The following IQCH variants were observed in gnomAD, a reference collection of about 807,000 sequenced individuals.
The protein encoded by IQCH is IQ motif containing H.
IQCH carries 98 observed loss-of-function variants against 117.0 expected under a neutral mutation model. The observed-to-expected ratio is 0.84, with a 90% CI of 0.71 to 0.99. IQCH has a LOEUF of 0.99. Ranked by LOEUF, IQCH falls within the 50% of genes least tolerant of loss-of-function variation. The pLI is 0.00. For synonymous variants in IQCH, 412 were observed against 448.2 expected (o/e 0.92, Z 1.02); for missense variants, 1,102 against 1,243.8 (o/e 0.89, Z 1.72).
chr15:67,329,659 G>A (rs1197483761), intron 4 of IQCH, among the ~76,000 whole-genome samples: 2 of 151,914 alleles, frequency 1.3e-5, no homozygotes, highest in Non-Finnish European at 2.9e-5. Context: ...TGTGGAGCCT[G>A]GATCTCACTA....
At chr15:67,267,129 T>G (rs533554108) in intron 3 of IQCH, among the ~76,000 whole-genome samples, 3 of 152,326 alleles carry the variant, frequency 2.0e-5, no homozygotes, top group African/African-American at 7.2e-5. Context: ...CGTTACCACA[T>G]GAGGGATCGA....
At chr15:67,380,182 A>G (rs1202915973) in intron 10 of IQCH, among the ~76,000 whole-genome samples, 1 of 152,208 alleles carries the variant, frequency 6.6e-6, no homozygotes, top group Non-Finnish European at 1.5e-5. Context: ...GTGAAAATGT[A>G]CTAATACAAC....
chr15:67,324,541 C>T (rs1968311633), intron 4 of IQCH, among the ~76,000 whole-genome samples: 4 of 143,164 alleles, frequency 2.8e-5, no homozygotes, highest in Non-Finnish European at 4.5e-5. Flanking sequence ...ACCCAGGAGG[C>T]GGAGGTTGCA....
chr15:67,377,757 C>T (rs1322310581), intron 10 of IQCH, among the ~76,000 whole-genome samples: 2 of 152,142 alleles, frequency 1.3e-5, no homozygotes, highest in Non-Finnish European at 2.9e-5. Flanking sequence ...TCTCCTCCTC[C>T]TTTAAAGTAA....
At chr15:67,298,054 A>G (rs1388742328) in intron 4 of IQCH, among the ~76,000 whole-genome samples, 2 of 152,182 alleles carry the variant, frequency 1.3e-5, no homozygotes, top group Non-Finnish European at 2.9e-5. Context: ...CACACCTGTT[A>G]TCCCAGCACT....
intron 4 of IQCH, among the ~76,000 whole-genome samples, chr15:67,289,509 C>T (rs1447367536): frequency 6.6e-6 from 1 of 152,038 alleles, no homozygotes; most frequent in African/African-American, 2.4e-5. Context: ...AGACTGGGTG[C>T]TAGTTACACC....
intron 8 of IQCH, among the ~76,000 whole-genome samples, chr15:67,371,053 C>A: frequency 6.6e-6 from 1 of 152,034 alleles, no homozygotes; most frequent in East Asian, 1.9e-4. Flanking sequence ...GCTTATACAT[C>A]TGAGAACGCT....
intron 2 of IQCH, among the ~76,000 whole-genome samples, chr15:67,262,495 T>C (rs896997454): frequency 2.6e-5 from 4 of 152,210 alleles, no homozygotes; most frequent in African/African-American, 7.2e-5. Flanking sequence ...GTGAGAGGGA[T>C]GGACCCAGCT....
chr15:67,351,380 G>A (rs908944406), intron 6 of IQCH, among the ~76,000 whole-genome samples: 1 of 152,116 alleles, frequency 6.6e-6, no homozygotes, highest in Non-Finnish European at 1.5e-5. Flanking sequence ...TGAAGGTGAT[G>A]GTTTGAATAG....
chr15:67,381,388 A>G lies in IQCH; in HGVS notation c.1373-3548A>G. Among the ~76,000 whole-genome samples the G allele has an allele frequency of 6.6e-6, 1 of 152,198 alleles. No homozygotes were observed. Among genetic ancestry groups the G allele is most frequent in the East Asian group, 1.9e-4 (1 of 5,198 alleles). ...AAGCTTCTTTGATGTAGAGACAATAATATTTCACAACTGCTTATTTGAGAA... is the reference window on the plus strand; with the variant it reads ...AAGCTTCTTTGATGTAGAGACAATAGTATTTCACAACTGCTTATTTGAGAA... On this transcript the variant is annotated intron_variant, in intron 10 of 20. Coordinates refer to ENST00000335894, the MANE Select transcript of IQCH (RefSeq NM_001031715.3). The surrounding 1 kb of genome is among the most constrained non-coding windows in gnomAD (Gnocchi z 5.1).
chr15:67,385,725 GCTAAGCAAT>G lies in IQCH; in HGVS notation c.1456+707_1456+715del, dbSNP rs939061283. ...GGCTCTAAGAATATAGGTTGCAAAA[GCTAAGCAAT>G]AACATTGAATCTGTTTGTGAGATAC... On this transcript the variant is annotated intron_variant, in intron 11 of 20. Transcript: ENST00000335894. The surrounding 1 kb of genome is among the most constrained non-coding windows in gnomAD (Gnocchi z 4.6). 5.3e-5 allele frequency among the ~76,000 whole-genome samples: 8 copies of G among 152,106 alleles called. No individual in the cohort carries two copies. The highest frequency in any genetic ancestry group is 1.9e-4 in the African/African-American group (8 of 41,430).
At chr15:67,285,879 A>C (rs888511790) in intron 4 of IQCH, among the ~76,000 whole-genome samples, 2 of 152,094 alleles carry the variant, frequency 1.3e-5, no homozygotes, top group African/African-American at 4.8e-5. Flanking sequence ...TGATTCTTCC[A>C]GTTTTATCCT....
chr15:67,470,865 T>C, intron 17 of IQCH, among the ~76,000 whole-genome samples: 1 of 152,224 alleles, frequency 6.6e-6, no homozygotes, highest in Middle Eastern at 3.2e-3. Context: ...GAGCATCTTT[T>C]TACATATACA....
Position 67,408,812 on chromosome 15 carries a change from C to T in IQCH, c.2098-8119C>T, listed in dbSNP as rs1198277293. On this transcript the variant is annotated intron_variant, in intron 14 of 20. Coordinates refer to ENST00000335894, the MANE Select transcript of IQCH (RefSeq NM_001031715.3). The surrounding 1 kb of genome is among the most constrained non-coding windows in gnomAD (Gnocchi z 4.2). Reference sequence around the variant, plus strand: ...ATTTCTCTAACTGGAAAGAAAGACCCTATTACCAGTAATGATAATTATGGC... The same window carrying T: ...ATTTCTCTAACTGGAAAGAAAGACCTTATTACCAGTAATGATAATTATGGC... 6.6e-6 allele frequency among the ~76,000 whole-genome samples: 1 copy of T among 152,154 alleles called. No homozygotes were observed. Among genetic ancestry groups the T allele is most frequent in the African/African-American group, 2.4e-5 (1 of 41,434 alleles).
intron 14 of IQCH, among the ~76,000 whole-genome samples, chr15:67,409,055 T>C (rs1306519523): frequency 2.0e-5 from 3 of 152,176 alleles, no homozygotes; most frequent in Non-Finnish European, 4.4e-5. Context: ...CATATTCTTC[T>C]TTTTTTAAAC....
At chr15:67,486,038 C>CCTTTT (rs1555513837) in intron 18 of IQCH, among the ~76,000 whole-genome samples, 22 of 106,358 alleles carry the variant, frequency 2.1e-4, no homozygotes, top group African/African-American at 7.8e-4. Flanking sequence ...GCTAAGTTTT[C>CCTTTT]TTTTTTTTTT....
In IQCH at chr15:67,495,469, G is replaced by C. The variant is rs375202696; in HGVS notation, c.2970+1103G>C. On this transcript the variant is annotated intron_variant, in intron 20 of 20. Transcript: ENST00000335894. ...CTTGTCTTGGCCTCTCAAAGTGCTG[G>C]GATTACAGGCATGAGCCACCTTGCC... 1.1e-4 allele frequency among the ~76,000 whole-genome samples: 17 copies of C among 152,274 alleles called. No homozygotes were observed. The South Asian group carries it at 3.5e-3, about 32-fold the overall frequency.
Position 67,376,305 on chromosome 15 carries a change from T to C in IQCH, c.1372+2872T>C, listed in dbSNP as rs1009606593. On this transcript the variant is annotated intron_variant, in intron 10 of 20. Coordinates refer to ENST00000335894, the MANE Select transcript of IQCH (RefSeq NM_001031715.3). The surrounding 1 kb of genome is among the most constrained non-coding windows in gnomAD (Gnocchi z 5.0). ...GTCTCATGCACCAGGGACTTACCTA[T>C]ACAATTCATAAAAATAGAAGTGGAT... Among the ~76,000 whole-genome samples, 2 of 152,222 alleles carry C rather than the reference T, an allele frequency of 1.3e-5. No individual in the cohort carries two copies. The highest frequency in any genetic ancestry group is 2.9e-5 in the Non-Finnish European group (2 of 68,032).
At position 67,479,774 on chromosome 15, in the gene IQCH, C is replaced by A. The variant is rs2083296903; in HGVS notation, c.2799+3956C>A. 6.6e-6 allele frequency among the ~76,000 whole-genome samples: 1 copy of A among 152,214 alleles called. No homozygotes were observed. Reference sequence around the variant, plus strand: ...CATTAATAACACATCATTGTCAGTGCTACCAAAAGAAGAATCCTCAAAAGT... The same window carrying A: ...CATTAATAACACATCATTGTCAGTGATACCAAAAGAAGAATCCTCAAAAGT... On this transcript the variant is annotated intron_variant, in intron 18 of 20. Coordinates refer to ENST00000335894, the MANE Select transcript of IQCH (RefSeq NM_001031715.3). This position sits in a 1 kb window ranked among gnomAD's most constrained non-coding sequence, Gnocchi z 4.6.
Sources: allele counts gnomAD v4.1 joint callset (sites outside exome capture counted in the v4.1 genomes callset), GRCh38; gene constraint gnomAD v4.1.1; non-coding constraint Gnocchi (gnomAD v3.1); transcripts MANE v1.5; gene names NCBI Gene and HGNC (gene_info 2026-07-23, HGNC 2026-07-21).